STARD9: variants seen among roughly 807,000 people sequenced by gnomAD.
STARD9 encodes stAR-related lipid transfer protein 9.
In STARD9, 346 loss-of-function variants were observed where a neutral mutation model predicts 399.8. The ratio of observed to expected loss-of-function variants is 0.87; its 90% CI spans 0.79 to 0.95. The LOEUF (loss-of-function observed/expected upper bound fraction) is 0.95, where lower values mean the gene tolerates loss of function less well. STARD9 is among the 40% of genes least tolerant of loss of function. The pLI is 0.00. For missense variants in STARD9, 5,832 were observed against 5,667.5 expected (o/e 1.03, Z -0.93); for synonymous variants, 2,203 against 2,143.5 (o/e 1.03, Z -0.77).
At chr15:42,591,473 G>T (rs2141698432) in intron 3 of STARD9, among the ~76,000 whole-genome samples, 1 of 149,868 alleles carries the variant, frequency 6.7e-6, no homozygotes, top group South Asian at 2.1e-4. Context: ...GGGCAACAGA[G>T]CAAGAGTCCA....
intron 7 of STARD9, among the ~76,000 whole-genome samples, chr15:42,647,309 G>T (rs569132162): frequency 2.6e-5 from 4 of 152,046 alleles, no homozygotes; most frequent in Admixed American, 6.5e-5. Flanking sequence ...TTTTCCACTT[G>T]TTTTAACAGA....
chr15:42,644,099 A>G (rs939906526), intron 7 of STARD9, among the ~76,000 whole-genome samples: 2 of 152,266 alleles, frequency 1.3e-5, no homozygotes, highest in Non-Finnish European at 2.9e-5. Flanking sequence ...CAATAAAGCA[A>G]AAATCAAAAT....
chr15:42,714,725 A>G (rs1437882382), intron 26 of STARD9, among the ~76,000 whole-genome samples: 3 of 152,330 alleles, frequency 2.0e-5, no homozygotes, highest in African/African-American at 7.2e-5. Context: ...CTACAGGCAC[A>G]GTTATCTTTT....
At chr15:42,619,282 T>TA (rs1223776476) in intron 3 of STARD9, among the ~76,000 whole-genome samples, 1 of 152,164 alleles carries the variant, frequency 6.6e-6, no homozygotes, top group African/African-American at 2.4e-5. Flanking sequence ...CAACCACTGA[T>TA]ATGCTTTTTG....
chr15:42,594,115 T>A (rs2058458867), intron 3 of STARD9, among the ~76,000 whole-genome samples: 1 of 151,070 alleles, frequency 6.6e-6, no homozygotes, highest in Non-Finnish European at 1.5e-5. Flanking sequence ...GAAAAGAGAG[T>A]GTGCTATAGA....
At chr15:42,632,389 A>C (rs1233190140) in intron 3 of STARD9, among the ~76,000 whole-genome samples, 1 of 152,090 alleles carries the variant, frequency 6.6e-6, no homozygotes, top group Non-Finnish European at 1.5e-5. Context: ...AAATCCATTT[A>C]ACTCTGTCTT....
chr15:42,700,163 A>G, intron 26 of STARD9, among the ~76,000 whole-genome samples: 1 of 152,114 alleles, frequency 6.6e-6, no homozygotes, highest in East Asian at 1.9e-4. Flanking sequence ...TATATGCCAC[A>G]TTTTCTTTGC....
intron 23 of STARD9, 47 bp from the exon 24 acceptor site, chr15:42,694,481 G>A: frequency 5.2e-6 from 8 of 1,532,050 alleles, no homozygotes; most frequent in Non-Finnish European, 6.1e-6. Flanking sequence ...AGATCTTAAA[G>A]TGAAGGACAT....
chr15:42,667,333 C>A (rs1023246290), intron 15 of STARD9, among the ~76,000 whole-genome samples: 2 of 151,372 alleles, frequency 1.3e-5, no homozygotes, highest in South Asian at 2.1e-4. Flanking sequence ...TACAGGCTCA[C>A]GCCACCACGC....
At position 42,684,907 on chromosome 15, in the gene STARD9, A is replaced by G; in HGVS notation, c.3329A>G (p.Asp1110Gly). The G allele has an allele frequency of 6.5e-7, 1 of 1,537,102 alleles. No individual in the cohort carries two copies. The highest frequency in any genetic ancestry group is 8.7e-7 in the Non-Finnish European group (1 of 1,146,922). The change falls in exon 23 of 33, where the codon GAT becomes GGT. Residue 1110 changes from aspartate (D) to glycine (G), a missense_variant. Asp to Gly is a moderately conservative substitution (Grantham distance 94). Coordinates refer to ENST00000290607, the MANE Select transcript of STARD9 (RefSeq NM_020759.3). ...LSDTDSNYSL[D>G]SLSCVYAKAL... ...GACACAGATAGCAACTACTCATTGG[A>G]TTCTCTCTCATGTGTCTATGCCAAA...
intron 3 of STARD9, among the ~76,000 whole-genome samples, chr15:42,608,735 C>A (rs529598511): frequency 1.3e-5 from 2 of 152,130 alleles, no homozygotes; most frequent in East Asian, 3.8e-4. Flanking sequence ...TGAACACAAT[C>A]AAAAATATGA....
Position 42,663,815 on chromosome 15 carries a change from C to A in STARD9, c.1079-5C>A. The stretch of plus-strand genomic sequence containing the variant: ...ATGTTTTTAAACTTTCTCCTTCTAC[C>A]TCAGCGGTGTCTCCTGCACACACTA... On this transcript the variant is annotated splice_region_variant and splice_polypyrimidine_tract_variant and intron_variant, in intron 12 of 32. Coordinates refer to ENST00000290607, the MANE Select transcript of STARD9 (RefSeq NM_020759.3). The A allele has an allele frequency of 6.5e-7, 1 of 1,533,318 alleles. No individual in the cohort carries two copies. The highest frequency in any genetic ancestry group is 8.7e-7 in the Non-Finnish European group (1 of 1,143,362). 95.0% of individuals were successfully genotyped at this position (1,533,318 alleles called of 1,614,324 possible).
chr15:42,650,258 G>C (rs932647775), intron 7 of STARD9, among the ~76,000 whole-genome samples: 9 of 152,112 alleles, frequency 5.9e-5, no homozygotes, highest in Admixed American at 4.6e-4. Flanking sequence ...TTTCATTTAT[G>C]TTACTTTGTT....
rs73406562 is a variant in STARD9, at chr15:42,585,665, C to T, written c.234+28C>T. 6.9e-3 allele frequency: 9,472 copies of T among 1,363,932 alleles called. 408 individuals are homozygous for T. In the African/African-American group the frequency reaches 0.11, roughly 15 times the overall value. 84.5% of individuals were successfully genotyped at this position (1,363,932 alleles called of 1,614,324 possible). A position where few individuals can be genotyped will look rare whatever the true frequency, so the allele number is the denominator to read the frequency against. ...AATATCATTTATCATTTTTCTTTCA[C>T]CTCAGTTCTTTTTTTATGTATAATA... On this transcript the variant is annotated intron_variant, in intron 3 of 32. Coordinates refer to ENST00000290607, the MANE Select transcript of STARD9 (RefSeq NM_020759.3).
chr15:42,662,183 T>C (rs1048193683), intron 10 of STARD9, among the ~76,000 whole-genome samples: 4 of 152,102 alleles, frequency 2.6e-5, no homozygotes, highest in African/African-American at 4.8e-5. Context: ...GCCTTGTAGG[T>C]ATTAGAAGGG....
At chr15:42,696,168 A>G (rs1036912759) in intron 26 of STARD9, among the ~76,000 whole-genome samples, 4 of 152,374 alleles carry the variant, frequency 2.6e-5, no homozygotes, top group South Asian at 2.1e-4. Flanking sequence ...AATATTAAAC[A>G]ACTGATTTTA....
intron 7 of STARD9, among the ~76,000 whole-genome samples, chr15:42,644,542 A>T (rs1308561409): frequency 6.6e-6 from 1 of 152,202 alleles, no homozygotes; most frequent in African/African-American, 2.4e-5. Flanking sequence ...TTATTGCTAA[A>T]AAATGCTAGT....
intron 1 of STARD9, 89 bp from the exon 2 acceptor site, chr15:42,583,257 A>G (rs2058211094): frequency 4.3e-6 from 4 of 925,410 alleles, no homozygotes; most frequent in African/African-American, 1.7e-5. Flanking sequence ...AGCAGTAGGG[A>G]AATATTTTGT....
At chr15:42,609,443 C>CT (rs879543760) in intron 3 of STARD9, among the ~76,000 whole-genome samples, 1,629 of 142,240 alleles carry the variant, frequency 0.011, 18 homozygotes, top group African/African-American at 0.029. Flanking sequence ...ATTTTTAAAA[C>CT]TTTTTTTTTT....
Sources: gnomAD v4.1 joint callset for allele counts (sites outside exome capture counted in the v4.1 genomes callset) on GRCh38, gnomAD v4.1.1 for gene constraint, MANE v1.5 for transcripts, NCBI Gene and HGNC (gene_info 2026-07-23, HGNC 2026-07-21) for gene names.